Variants in CHEK1 observed in about 807,000 individuals in gnomAD.
CHEK1 encodes checkpoint kinase 1.
Under a neutral mutation model 60.2 loss-of-function variants are expected in CHEK1, and 32 were observed. That is an observed-to-expected ratio of 0.53 (90% CI 0.40 to 0.71). The LOEUF is 0.71. CHEK1 is among the 30% of genes least tolerant of loss of function. The probability of loss-of-function intolerance (pLI) is 0.00; values close to 1 mark genes in which losing one functional copy is unlikely to be tolerated. For missense variants in CHEK1, 399 were observed against 564.6 expected, an observed-to-expected ratio of 0.71 and a Z score of 2.97; for synonymous variants, 179 against 187.2, an observed-to-expected ratio of 0.96 and a Z score of 0.36.
chr11:125,655,090 C>T (rs561722895), intron 12 of CHEK1, 135 bp from the exon 13 acceptor site: 135 of 631,408 alleles, frequency 2.1e-4, no homozygotes, highest in Non-Finnish European at 3.4e-4. Flanking sequence ...CATAAACAGA[C>T]CGAAAAGAAA....
At chr11:125,665,080 G>A (rs1439760509) in intron 13 of CHEK1, among the ~76,000 whole-genome samples, 3 of 151,986 alleles carry the variant, frequency 2.0e-5, no homozygotes, top group Admixed American at 2.0e-4. Context: ...AAAATGAGTT[G>A]GCTATAAAAA....
At chr11:125,628,458 G>C (rs1940715463) in intron 3 of CHEK1, among the ~76,000 whole-genome samples, 1 of 152,044 alleles carries the variant, frequency 6.6e-6, no homozygotes, top group Non-Finnish European at 1.5e-5. Context: ...CTGATAAAGA[G>C]GTATTAGGAT....
Position 125,639,382 on chromosome 11 carries a change from C to CTTTTTTTTT in CHEK1, c.814+1850_814+1858dup, listed in dbSNP as rs367756024. ...AATCACGTTTTTATAATACTTTTCT[C>CTTTTTTTTT]TTTTTTTTTTTTTTTTTTTTGAGAC... On this transcript the variant is annotated intron_variant, in intron 8 of 12. Transcript: ENST00000438015. 2.1e-4 allele frequency among the ~76,000 whole-genome samples: 22 copies of CTTTTTTTTT among 106,380 alleles called. 2 individuals carry two copies. The highest frequency in any genetic ancestry group is 2.7e-4 in the Non-Finnish European group (15 of 56,008). 69.8% of individuals were successfully genotyped at this position (106,380 alleles called of 152,430 possible).
At chr11:125,640,849 A>G (rs1941276536) in intron 8 of CHEK1, among the ~76,000 whole-genome samples, 1 of 152,126 alleles carries the variant, frequency 6.6e-6, no homozygotes, top group African/African-American at 2.4e-5. Flanking sequence ...AGCTGTTCTC[A>G]AACTGCTGGG....
intron 8 of CHEK1, among the ~76,000 whole-genome samples, chr11:125,640,618 G>A (rs1294624657): frequency 1.3e-5 from 2 of 151,970 alleles, no homozygotes; most frequent in African/African-American, 2.4e-5. Context: ...CGCCCAGACT[G>A]GAGTGCAGTG....
chr11:125,640,197 C>T (rs938509490), intron 8 of CHEK1, among the ~76,000 whole-genome samples: 63 of 152,118 alleles, frequency 4.1e-4, no homozygotes, highest in African/African-American at 1.5e-3. Context: ...TGTGGTCAAC[C>T]GAGGTCTGAA....
Position 125,656,253 on chromosome 11 carries a change from A to C in CHEK1, c.*933A>C, listed in dbSNP as rs1473607950. ...GTAGTCCCAGCTACTTAGGAGGCTG[A>C]GAGAGGAGGATCGCGTGAACCTGGA... On this transcript the variant is annotated 3_prime_UTR_variant, in exon 13 of 13. Coordinates refer to ENST00000438015, the MANE Select transcript of CHEK1 (RefSeq NM_001114122.3). 4.6e-6 allele frequency: 1 copy of C among 215,964 alleles called. No homozygotes were observed. 13.4% of individuals were successfully genotyped at this position (215,964 alleles called of 1,614,324 possible). A position where few individuals can be genotyped will look rare whatever the true frequency, so the allele number is the denominator to read the frequency against.
chr11:125,639,425 G>A (rs3731431), intron 8 of CHEK1, among the ~76,000 whole-genome samples: 2 of 137,024 alleles, frequency 1.5e-5, no homozygotes, highest in South Asian at 4.6e-4. Flanking sequence ...AGGCTGGAGT[G>A]CAGTGGCGCC....
At chr11:125,630,747 G>A (rs1940831948) in intron 5 of CHEK1, among the ~76,000 whole-genome samples, 1 of 152,024 alleles carries the variant, frequency 6.6e-6, no homozygotes, top group African/African-American at 2.4e-5. Context: ...GTATTATAAT[G>A]AAATGTAAAT....
chr11:125,633,810 G>C (rs1398839103), intron 6 of CHEK1, among the ~76,000 whole-genome samples: 1 of 152,138 alleles, frequency 6.6e-6, no homozygotes, highest in Non-Finnish European at 1.5e-5. Context: ...CTGTAACAAA[G>C]TATCATAGAC....
chr11:125,637,824 A>G (rs561644591), intron 8 of CHEK1, among the ~76,000 whole-genome samples: 2 of 152,230 alleles, frequency 1.3e-5, no homozygotes, highest in East Asian at 3.8e-4. Context: ...GATTAAAGGG[A>G]AGCTAGGCAG....
In CHEK1 at chr11:125,629,420, C is replaced by T. The variant is rs1802378780; in HGVS notation, c.384C>T (p.His128=). The change falls in exon 5 of 13, where the codon CAC becomes CAT. Residue 128 remains histidine, a synonymous_variant. Transcript: ENST00000438015. The part of the protein sequence containing the change: ...VVYLHGIGIT[H]RDIKPENLLL... ...ATCTGCATGGTATTGGAATAACTCA[C>T]AGGGATATTAAACCAGAAAATCTTC... is the stretch of plus-strand genomic sequence containing the variant. 1.2e-6 allele frequency: 2 copies of T among 1,613,610 alleles called. No individual in the cohort carries two copies. Among genetic ancestry groups the T allele is most frequent in the African/African-American group, 1.3e-5 (1 of 75,002 alleles).
Position 125,627,833 on chromosome 11 carries a change from A to G in CHEK1, c.289+3A>G. ...AGGAGAGCTTTTTGACAGAATAGGT[A>G]TGGAAGAAATTTAAGATAATTATTT... On this transcript the variant is annotated splice_donor_region_variant and intron_variant, in intron 3 of 12. Transcript: ENST00000438015. 6.6e-7 allele frequency: 1 copy of G among 1,526,670 alleles called. No homozygotes were observed. The highest frequency in any genetic ancestry group is 8.8e-7 in the Non-Finnish European group (1 of 1,134,204). The allele number at this position is 1,526,670 out of a possible 1,614,324, so 94.6% of individuals were successfully genotyped here.
rs1369295606 is a variant in CHEK1 at position 125,656,992 on chromosome 11, T to C, written c.*1672T>C. 5.2e-6 allele frequency: 1 copy of C among 193,404 alleles called. No individual in the cohort carries two copies. The highest frequency in any genetic ancestry group is 6.1e-5 in the Admixed American group (1 of 16,390). The allele number at this position is 193,404 out of a possible 1,614,324, so 12.0% of individuals were successfully genotyped here. On this transcript the variant is annotated 3_prime_UTR_variant, in exon 13 of 13. Transcript: ENST00000438015. ...AGAGTTATTTTAATCTTTAATGCTTTAATGTGTAGGAAGAGTATAGTGTCC... is the reference window on the plus strand; with the variant it reads ...AGAGTTATTTTAATCTTTAATGCTTCAATGTGTAGGAAGAGTATAGTGTCC...
downstream of CHEK1, among the ~76,000 whole-genome samples, chr11:125,679,970 AG>A (rs1425463237): frequency 1.3e-5 from 2 of 152,226 alleles, no homozygotes; most frequent in Non-Finnish European, 2.9e-5. Context: ...TATAGAAAGG[AG>A]ACATAAAAAG....
At chr11:125,668,182 T>TA (rs944212940) in intron 13 of CHEK1, among the ~76,000 whole-genome samples, 14 of 152,058 alleles carry the variant, frequency 9.2e-5, no homozygotes, top group African/African-American at 3.1e-4. Context: ...ATGTCTTTTG[T>TA]AAAAAAAAGT....
intron 8 of CHEK1, among the ~76,000 whole-genome samples, chr11:125,642,022 G>A (rs3731440): frequency 0.069 from 10,546 of 152,026 alleles, 400 homozygotes; most frequent in Middle Eastern, 0.1. Context: ...GCTCCCCCTT[G>A]GTCATATTGT....
chr11:125,660,891 T>A (rs1003380967), downstream of CHEK1, among the ~76,000 whole-genome samples: 3 of 152,136 alleles, frequency 2.0e-5, no homozygotes, highest in Non-Finnish European at 4.4e-5. Flanking sequence ...TTCTCCTGCC[T>A]CAGCCTCCCG....
rs1565360129 is a variant in CHEK1 at position 125,626,029 on chromosome 11, G to C, written c.-21+17G>C. On this transcript the variant is annotated intron_variant, in intron 1 of 12. Transcript: ENST00000438015. ...GACAGTCCGGTGAGGAAGGGCGGCC[G>C]GTAGAGTAGGGAAGGTTTCTAAAGA... The C allele has an allele frequency of 1.4e-6, 1 of 695,532 alleles. No homozygotes were observed. Among genetic ancestry groups the C allele is most frequent in the Non-Finnish European group, 2.6e-6 (1 of 379,138 alleles). The allele number at this position is 695,532 out of a possible 1,614,324, so 43.1% of individuals were successfully genotyped here.
Sources: gnomAD v4.1 joint callset for allele counts (sites outside exome capture counted in the v4.1 genomes callset) on GRCh38, gnomAD v4.1.1 for gene constraint, MANE v1.5 for transcripts, NCBI Gene and HGNC (gene_info 2026-07-23, HGNC 2026-07-21) for gene names.